The following ABCA10 variants were observed in gnomAD, a reference collection of about 807,000 sequenced individuals.
ABCA10 encodes ATP-binding cassette sub-family A member 10.
Under a neutral mutation model 187.5 loss-of-function variants are expected in ABCA10, and 169 were observed. The ratio of observed to expected loss-of-function variants is 0.90; its 90% CI spans 0.80 to 1.02. The LOEUF (loss-of-function observed/expected upper bound fraction) is 1.02, where lower values mean the gene tolerates loss of function less well. Among genes scored for constraint, ABCA10 ranks in the 50% least tolerant of loss-of-function variants. The probability of loss-of-function intolerance (pLI) is 0.00; values close to 1 mark genes in which losing one functional copy is unlikely to be tolerated. For synonymous variants in ABCA10, 574 were observed against 601.8 expected (o/e 0.95, Z 0.68); for missense variants, 1,727 against 1,812.4 (o/e 0.95, Z 0.86).
intron 3 of ABCA10, among the ~76,000 whole-genome samples, chr17:69,224,579 C>G (rs1042842078): frequency 6.6e-6 from 1 of 151,632 alleles, no homozygotes; most frequent in Non-Finnish European, 1.5e-5. Flanking sequence ...GTAGGACTCT[C>G]AGGTGTTCTT....
rs1345144614 is a variant in ABCA10, at chr17:69,222,639, T to C, written c.93A>G (p.Lys31=). The C allele has an allele frequency of 1.3e-6, 2 of 1,600,000 alleles. No individual in the cohort carries two copies. Among genetic ancestry groups the C allele is most frequent in the East Asian group, 2.3e-5 (1 of 44,168 alleles). The change falls in exon 4 of 39, where the codon AAA becomes AAG. Residue 31 remains lysine, a synonymous_variant. Transcript: ENST00000690296. ...ATATAACTCCCACCATTTCATGGTA[T>C]TTTTTTGGAAGTTCTATATCCATGG... ...EETMDIELPK[K]YHEMVGVIFS...
intron 28 of ABCA10, among the ~76,000 whole-genome samples, chr17:69,156,469 T>C (rs2074175207): frequency 2.0e-5 from 3 of 152,308 alleles, no homozygotes; most frequent in Admixed American, 2.0e-4. Flanking sequence ...AAAATAGCAC[T>C]GTGCAATATG....
chr17:69,149,627 C>A lies in ABCA10; in HGVS notation c.4477+357G>T, dbSNP rs571423382. ...ACCTTGGCTTTTAGAAACATAGAGA[C>A]CTCAAGAGCTCCCCTTGATATTCTT... On this transcript the variant is annotated intron_variant, in intron 37 of 38. Transcript: ENST00000690296. 7.9e-5 allele frequency among the ~76,000 whole-genome samples: 12 copies of A among 152,260 alleles called. No individual in the cohort carries two copies. In the South Asian group the frequency reaches 2.3e-3, roughly 29 times the overall value.
At chr17:69,231,117 CA>C (rs905696409), upstream of ABCA10, among the ~76,000 whole-genome samples, 1 of 152,040 alleles carries the variant, frequency 6.6e-6, no homozygotes, top group East Asian at 1.9e-4. Context: ...TCCGGAAGTC[CA>C]AAAATCATTG....
chr17:69,217,849 T>G (rs1352681956), intron 6 of ABCA10, among the ~76,000 whole-genome samples: 1 of 152,186 alleles, frequency 6.6e-6, no homozygotes, highest in African/African-American at 2.4e-5. Context: ...TATATCATTT[T>G]ATTATTTAAA....
chr17:69,153,999 T>G lies in ABCA10; in HGVS notation c.3797A>C (p.Gln1266Pro), dbSNP rs1266024783. 6.2e-7 allele frequency: 1 copy of G among 1,613,706 alleles called. No individual in the cohort carries two copies. The highest frequency in any genetic ancestry group is 1.1e-5 in the South Asian group (1 of 91,000). ...TTGCCTTACTGATGCTCTGCTGCCT[T>G]GTAACACCACCTGCACAAGACAATG... is the stretch of plus-strand genomic sequence containing the variant. ...TKPTAGVVVL[Q>P]GSRASVRQQH... is the part of the protein sequence containing the mutation. The change falls in exon 32 of 39, where the codon CAA (glutamine) becomes CCA (proline). Residue 1266 changes from glutamine (Q) to proline (P), a missense_variant. Gln to Pro is a moderately conservative substitution (Grantham distance 76). Transcript: ENST00000690296.
intron 6 of ABCA10, 130 bp downstream of exon 6, chr17:69,219,415 C>T: frequency 1.7e-6 from 1 of 587,960 alleles, no homozygotes; most frequent in Non-Finnish European, 2.8e-6. Context: ...ATCTTAAACT[C>T]TAATGCAAGT....
chr17:69,196,979 C>A, intron 11 of ABCA10, 85 bp downstream of exon 11: 1 of 984,358 alleles, frequency 1.0e-6, no homozygotes, highest in Non-Finnish European at 1.4e-6. Context: ...GTCCAGCCTC[C>A]GCTTGGCATC....
chr17:69,199,158 C>T (rs1399319887), intron 10 of ABCA10, among the ~76,000 whole-genome samples: 2 of 152,224 alleles, frequency 1.3e-5, no homozygotes, highest in Non-Finnish European at 2.9e-5. Context: ...CTTTCTCTTT[C>T]ATAAGACTCA....
intron 27 of ABCA10, among the ~76,000 whole-genome samples, chr17:69,162,803 T>C (rs990338225): frequency 2.1e-5 from 1 of 47,996 alleles, no homozygotes; most frequent in Middle Eastern, 0.018. Context: ...GTTGAAAAAA[T>C]TACATATATA....
Position 69,207,071 on chromosome 17 carries a change from C to T in ABCA10, c.1007-5403G>A, listed in dbSNP as rs555840592. On this transcript the variant is annotated intron_variant, in intron 9 of 38. Coordinates refer to ENST00000690296, the MANE Select transcript of ABCA10 (RefSeq NM_001377321.1). ...AAGAAAAAATAACCCAATTTGAAAA[C>T]GAGCAAAGGACCTAAATAAACATTT... Among the ~76,000 whole-genome samples, 30 of 152,088 alleles carry T rather than the reference C, an allele frequency of 2.0e-4. 1 individual carries two copies. Among genetic ancestry groups the T allele is most frequent in the East Asian group, 5.8e-4 (3 of 5,172 alleles).
rs113476422 is a variant in ABCA10, at chr17:69,152,237, T to C, written c.4257-54A>G. ...CTTGTCTCTTAATTTCTTCCTCGGT[T>C]CTCACTGTAGAGGAAGGTGTTTAAT... On this transcript the variant is annotated intron_variant, in intron 35 of 38. Transcript: ENST00000690296. The C allele has an allele frequency of 8.3e-5, 132 of 1,583,276 alleles. 1 individual carries two copies. The African/African-American group carries it at 1.5e-3, about 18-fold the overall frequency.
At chr17:69,222,290 A>T (rs578123822) in intron 4 of ABCA10, among the ~76,000 whole-genome samples, 1 of 151,460 alleles carries the variant, frequency 6.6e-6, no homozygotes, top group East Asian at 1.9e-4. Context: ...GTGAGCCAAG[A>T]TCGCGCCACT....
intron 36 of ABCA10, among the ~76,000 whole-genome samples, chr17:69,151,210 T>C (rs146374660): frequency 6.6e-6 from 1 of 152,304 alleles, no homozygotes; most frequent in Non-Finnish European, 1.5e-5. Flanking sequence ...AATTCATTCT[T>C]GACCTAAGTT....
intron 6 of ABCA10, among the ~76,000 whole-genome samples, chr17:69,218,812 TAC>T (rs1339241872): frequency 1.3e-5 from 2 of 152,200 alleles, no homozygotes; most frequent in Non-Finnish European, 2.9e-5. Flanking sequence ...ATAACATTTT[TAC>T]AGACTATGTG....
chr17:69,193,696 C>A (rs772640479), intron 13 of ABCA10, 84 bp from the exon 14 acceptor site: 1 of 1,548,852 alleles, frequency 6.5e-7, no homozygotes, highest in Non-Finnish European at 8.7e-7. Context: ...AGGATTTAGT[C>A]TAGAACTTCG....
chr17:69,149,237 G>A, intron 37 of ABCA10, 149 bp from the exon 38 acceptor site: 1 of 814,538 alleles, frequency 1.2e-6, no homozygotes, highest in South Asian at 2.0e-5. Context: ...AAAGAAGAGT[G>A]GTGATATGGC....
At chr17:69,194,276 A>C in intron 12 of ABCA10, 109 bp downstream of exon 12, 1 of 923,606 alleles carries the variant, frequency 1.1e-6, no homozygotes, top group Non-Finnish European at 1.7e-6. Flanking sequence ...CCTGCTCTAA[A>C]TTATTCAACT....
At chr17:69,204,210 G>C (rs150570012) in intron 9 of ABCA10, among the ~76,000 whole-genome samples, 1 of 152,164 alleles carries the variant, frequency 6.6e-6, no homozygotes, top group African/African-American at 2.4e-5. Flanking sequence ...CTACATCACA[G>C]ACTCCTACTA....
Sources: allele counts gnomAD v4.1 joint callset (sites outside exome capture counted in the v4.1 genomes callset), GRCh38; gene constraint gnomAD v4.1.1; transcripts MANE v1.5; gene names NCBI Gene and HGNC (gene_info 2026-07-23, HGNC 2026-07-21).